ZBTB20: variants seen among roughly 807,000 people sequenced by gnomAD.
The protein encoded by ZBTB20 is zinc finger and BTB domain-containing protein 20.
Under a neutral mutation model 56.9 loss-of-function variants are expected in ZBTB20, and 9 were observed. The ratio of observed to expected loss-of-function variants is 0.16; its 90% CI spans 0.10 to 0.28. The LOEUF is 0.28. Ranked by LOEUF, ZBTB20 falls within the 10% of genes least tolerant of loss-of-function variation. ZBTB20 has a pLI of 1.00. For missense variants in ZBTB20, 655 were observed against 1,003.0 expected (o/e 0.65, Z 4.69); for synonymous variants, 417 against 420.7 (o/e 0.99, Z 0.11).
chr3:114,625,570 T>A (rs1265431913), intron 6 of ZBTB20, among the ~76,000 whole-genome samples: 1 of 152,084 alleles, frequency 6.6e-6, no homozygotes, highest in Non-Finnish European at 1.5e-5. Flanking sequence ...ATAGCCTGTA[T>A]GAAATGGTTA....
intron 3 of ZBTB20, among the ~76,000 whole-genome samples, chr3:114,903,672 T>C (rs1261317649): frequency 6.6e-6 from 1 of 151,796 alleles, no homozygotes; most frequent in Non-Finnish European, 1.5e-5. Context: ...CTTCTCTGGG[T>C]GAAAAATGAA....
chr3:114,827,326 T>G (rs1229756356), intron 4 of ZBTB20, among the ~76,000 whole-genome samples: 1 of 151,700 alleles, frequency 6.6e-6, no homozygotes, highest in African/African-American at 2.4e-5. Flanking sequence ...ATACAGTTTC[T>G]GTATATAGTG....
intron 5 of ZBTB20, among the ~76,000 whole-genome samples, chr3:114,727,640 C>T (rs1326396148): frequency 1.3e-5 from 2 of 152,142 alleles, no homozygotes; most frequent in Non-Finnish European, 2.9e-5. Context: ...GGCAGTATCT[C>T]ACAAGTCAGT....
chr3:115,048,092 G>A (rs888999893), intron 2 of ZBTB20, among the ~76,000 whole-genome samples: 1 of 152,058 alleles, frequency 6.6e-6, no homozygotes, highest in Admixed American at 6.5e-5. Flanking sequence ...GGGCGTGGTG[G>A]CGGGCGCCTG....
intron 6 of ZBTB20, among the ~76,000 whole-genome samples, chr3:114,581,938 C>T (rs1438388643): frequency 6.6e-6 from 1 of 152,068 alleles, no homozygotes; most frequent in African/African-American, 2.4e-5. Context: ...AAAATGTTAA[C>T]TGTGGTCTTG....
At chr3:114,516,355 AT>A (rs2045993037) in intron 6 of ZBTB20, among the ~76,000 whole-genome samples, 1 of 152,114 alleles carries the variant, frequency 6.6e-6, no homozygotes, top group Admixed American at 6.5e-5. Context: ...TACTTTCTTT[AT>A]GTTTCCTCTC....
chr3:114,607,991 T>C (rs2243867), intron 6 of ZBTB20, among the ~76,000 whole-genome samples: 83,603 of 152,014 alleles, frequency 0.55, 24,661 homozygotes, highest in East Asian at 0.91. Context: ...AGAAGGTACA[T>C]ACTGATATAA....
At chr3:114,647,179 C>T (rs994322070) in intron 6 of ZBTB20, among the ~76,000 whole-genome samples, 1 of 152,098 alleles carries the variant, frequency 6.6e-6, no homozygotes, top group Non-Finnish European at 1.5e-5. Flanking sequence ...AGGATGGTCT[C>T]GATCTCCTGA....
chr3:114,638,903 T>G (rs1466269884), intron 6 of ZBTB20, among the ~76,000 whole-genome samples: 1 of 151,948 alleles, frequency 6.6e-6, no homozygotes, highest in Non-Finnish European at 1.5e-5. Context: ...TATAAACAAG[T>G]CTTCTATTAA....
In ZBTB20 at chr3:114,338,991, G is replaced by C. The variant is rs1173920778; in HGVS notation, c.*14C>G. On this transcript the variant is annotated 3_prime_UTR_variant, in exon 12 of 12. Coordinates refer to ENST00000675478, the MANE Select transcript of ZBTB20 (RefSeq NM_001348800.3). ...TGTTTTGTTTTGTTCATAAGAAAGA[G>C]AGAAAGATACTACTTATCCGTCAGA... is the stretch of plus-strand genomic sequence containing the variant. 4.0e-6 allele frequency: 6 copies of C among 1,491,466 alleles called. No individual in the cohort carries two copies. The highest frequency in any genetic ancestry group is 5.4e-6 in the Non-Finnish European group (6 of 1,117,688). 92.4% of individuals were successfully genotyped at this position (1,491,466 alleles called of 1,614,324 possible). A position where few individuals can be genotyped will look rare whatever the true frequency, so the allele number is the denominator to read the frequency against.
intron 7 of ZBTB20, among the ~76,000 whole-genome samples, chr3:114,478,388 C>A (rs2041126382): frequency 6.6e-6 from 1 of 152,172 alleles, no homozygotes; most frequent in African/African-American, 2.4e-5. Context: ...TTCCCATTCA[C>A]TTTAATCAGA....
At chr3:114,923,118 G>T (rs761281995) in intron 3 of ZBTB20, among the ~76,000 whole-genome samples, 1 of 152,204 alleles carries the variant, frequency 6.6e-6, no homozygotes, top group Non-Finnish European at 1.5e-5. Flanking sequence ...TTCGTGAATT[G>T]AAAGAATTGC....
chr3:114,862,194 A>G (rs1313780401), intron 4 of ZBTB20, among the ~76,000 whole-genome samples: 4 of 152,204 alleles, frequency 2.6e-5, no homozygotes, highest in Non-Finnish European at 5.9e-5. Context: ...GCACTGTGCA[A>G]ACATTAATTT....
intron 1 of ZBTB20, among the ~76,000 whole-genome samples, chr3:115,074,663 G>A (rs1257108456): frequency 3.3e-5 from 5 of 152,122 alleles, no homozygotes; most frequent in African/African-American, 1.2e-4. Context: ...GCACAGCACA[G>A]CAATTGCTGA....
At position 114,600,742 on chromosome 3, in the gene ZBTB20, T is replaced by A. The variant is rs9820162; in HGVS notation, c.-295+92786A>T. On this transcript the variant is annotated intron_variant, in intron 6 of 11. Coordinates refer to ENST00000675478, the MANE Select transcript of ZBTB20 (RefSeq NM_001348800.3). ...TGAGGCCTATAAATAAAATGAAACTTTAAATAGTACGAACTTCACCTTCAA... is the reference window on the plus strand; with the variant it reads ...TGAGGCCTATAAATAAAATGAAACTATAAATAGTACGAACTTCACCTTCAA... Among the ~76,000 whole-genome samples the A allele has an allele frequency of 2.2e-3, 339 of 152,138 alleles. 1 individual carries two copies. Among genetic ancestry groups the A allele is most frequent in the African/African-American group, 7.7e-3 (319 of 41,544 alleles).
chr3:114,566,946 A>C (rs983317972), intron 6 of ZBTB20, among the ~76,000 whole-genome samples: 22 of 152,132 alleles, frequency 1.4e-4, no homozygotes, highest in Non-Finnish European at 2.5e-4. Flanking sequence ...CTGTGATGTG[A>C]TCTATTCCAG....
chr3:114,637,828 T>C (rs1276427722), intron 6 of ZBTB20, among the ~76,000 whole-genome samples: 1 of 152,150 alleles, frequency 6.6e-6, no homozygotes, highest in Non-Finnish European at 1.5e-5. Context: ...TAGAGTATCC[T>C]ATCATTATTT....
intron 4 of ZBTB20, among the ~76,000 whole-genome samples, chr3:114,802,649 T>C (rs1202978357): frequency 6.6e-6 from 1 of 151,810 alleles, no homozygotes; most frequent in African/African-American, 2.4e-5. Context: ...CAGCAAAATA[T>C]TCATAAAAGA....
chr3:114,438,614 G>A (rs773984023), intron 7 of ZBTB20, among the ~76,000 whole-genome samples: 1 of 152,092 alleles, frequency 6.6e-6, no homozygotes, highest in Non-Finnish European at 1.5e-5. Flanking sequence ...ATTAACTTTT[G>A]AGGAATTGAA....
Sources: gnomAD v4.1 joint callset for allele counts (sites outside exome capture counted in the v4.1 genomes callset) on GRCh38, gnomAD v4.1.1 for gene constraint, MANE v1.5 for transcripts, NCBI Gene and HGNC (gene_info 2026-07-23, HGNC 2026-07-21) for gene names.